CACNA1C: variants seen among roughly 807,000 people sequenced by gnomAD.
The protein encoded by CACNA1C is voltage-dependent L-type calcium channel subunit alpha-1C.
Under a neutral mutation model 229.0 loss-of-function variants are expected in CACNA1C, and 30 were observed. The ratio of observed to expected loss-of-function variants is 0.13; its 90% CI spans 0.10 to 0.18. CACNA1C has a LOEUF of 0.18. CACNA1C is among the 10% of genes least tolerant of loss of function. The probability of loss-of-function intolerance (pLI) is 1.00; values close to 1 mark genes in which losing one functional copy is unlikely to be tolerated. For missense variants in CACNA1C, 1,658 were observed against 2,845.0 expected, an observed-to-expected ratio of 0.58 and a Z score of 9.49; for synonymous variants, 1,114 against 1,132.5, an observed-to-expected ratio of 0.98 and a Z score of 0.33.
intron 7 of CACNA1C, among the ~76,000 whole-genome samples, chr12:2,496,546 C>T (rs2099747169): frequency 2.6e-5 from 4 of 152,244 alleles, no homozygotes. Flanking sequence ...GATGGCAGCA[C>T]TTGCTTCCAG....
At chr12:2,186,710 T>C (rs745596407) in intron 3 of CACNA1C, among the ~76,000 whole-genome samples, 5 of 152,204 alleles carry the variant, frequency 3.3e-5, no homozygotes, top group Admixed American at 6.5e-5. Flanking sequence ...GATTACTATA[T>C]GCCAGGTACT....
chr12:2,011,461 C>G (rs998534400), intron 1 of CACNA1C: 1 of 152,116 alleles, frequency 6.6e-6, no homozygotes, highest in Non-Finnish European at 1.5e-5. Flanking sequence ...AGGGATGACC[C>G]GAATGATTAT....
intron 1 of CACNA1C, among the ~76,000 whole-genome samples, chr12:2,111,150 C>A (rs970263673): frequency 1.3e-5 from 2 of 152,254 alleles, no homozygotes; most frequent in Non-Finnish European, 2.9e-5. Flanking sequence ...GGTTGACATT[C>A]CATTTTTCCC....
At chr12:2,129,056 C>T (rs1215105766) in intron 3 of CACNA1C, among the ~76,000 whole-genome samples, 1 of 152,224 alleles carries the variant, frequency 6.6e-6, no homozygotes, top group Non-Finnish European at 1.5e-5. Context: ...CCAGACAGCA[C>T]ATCACCTTTC....
intron 3 of CACNA1C, among the ~76,000 whole-genome samples, chr12:2,135,877 C>G (rs368483644): frequency 1.1e-4 from 15 of 141,996 alleles, no homozygotes; most frequent in Admixed American, 3.4e-4. Flanking sequence ...TAATCAAGCC[C>G]GGGCAATGGC....
chr12:2,591,746 A>T (rs984210839), intron 18 of CACNA1C, among the ~76,000 whole-genome samples: 4 of 152,306 alleles, frequency 2.6e-5, no homozygotes, highest in South Asian at 2.1e-4. Context: ...AACAGCAGAA[A>T]TGCATCCTTT....
At chr12:2,530,715 C>T (rs2099838946) in intron 9 of CACNA1C, among the ~76,000 whole-genome samples, 1 of 152,134 alleles carries the variant, frequency 6.6e-6, no homozygotes, top group Non-Finnish European at 1.5e-5. Flanking sequence ...CAGTTTTTTT[C>T]GTGATGAATC....
At chr12:1,990,299 C>T (rs967564734) in intron 1 of CACNA1C, among the ~76,000 whole-genome samples, 1 of 152,160 alleles carries the variant, frequency 6.6e-6, no homozygotes, top group Non-Finnish European at 1.5e-5. Context: ...GAAATGTTTG[C>T]CCTAACTTTA....
At chr12:2,642,462 G>T (rs559930341) in intron 30 of CACNA1C, among the ~76,000 whole-genome samples, 1 of 152,290 alleles carries the variant, frequency 6.6e-6, no homozygotes, top group East Asian at 1.9e-4. Context: ...TTTCCAGAAA[G>T]CTCGTAAAGC....
intron 1 of CACNA1C, among the ~76,000 whole-genome samples, chr12:2,077,685 C>T (rs1244802606): frequency 6.6e-6 from 1 of 152,074 alleles, no homozygotes; most frequent in Non-Finnish European, 1.5e-5. Context: ...GGCCTCAGGC[C>T]TATAAAAATT....
At chr12:2,017,462 A>G (rs1417284169) in intron 1 of CACNA1C, among the ~76,000 whole-genome samples, 1 of 152,210 alleles carries the variant, frequency 6.6e-6, no homozygotes, top group African/African-American at 2.4e-5. Context: ...TTAAAAAATA[A>G]AAGAACTCAG....
At chr12:2,232,613 A>G (rs1449645259) in intron 3 of CACNA1C, among the ~76,000 whole-genome samples, 1 of 152,078 alleles carries the variant, frequency 6.6e-6, no homozygotes, top group Non-Finnish European at 1.5e-5. Flanking sequence ...GCTTTTTGTC[A>G]AGCTTTTGCC....
intron 3 of CACNA1C, among the ~76,000 whole-genome samples, chr12:2,413,940 T>C (rs1266897419): frequency 6.6e-6 from 1 of 152,200 alleles, no homozygotes; most frequent in African/African-American, 2.4e-5. Context: ...CCTTAAAAGC[T>C]GAGACCATCT....
At chr12:2,204,571 A>T (rs1452399985) in intron 3 of CACNA1C, among the ~76,000 whole-genome samples, 1 of 151,538 alleles carries the variant, frequency 6.6e-6, no homozygotes, top group Non-Finnish European at 1.5e-5. Flanking sequence ...AGACTGGATT[A>T]AGAAAATGTG....
intron 1 of CACNA1C, among the ~76,000 whole-genome samples, chr12:1,988,387 C>T (rs536123302): frequency 6.6e-6 from 1 of 152,288 alleles, no homozygotes; most frequent in East Asian, 1.9e-4. Flanking sequence ...CTTTCAGCCA[C>T]ATTTCACTGG....
intron 3 of CACNA1C, among the ~76,000 whole-genome samples, chr12:2,406,396 G>C (rs933581703): frequency 1.3e-5 from 2 of 152,106 alleles, no homozygotes; most frequent in African/African-American, 4.8e-5. Flanking sequence ...ATGGATGTTA[G>C]AGCATTTGTT....
intron 3 of CACNA1C, among the ~76,000 whole-genome samples, chr12:2,148,517 ATGTATTATG>A (rs2094932440): frequency 6.6e-6 from 1 of 151,112 alleles, no homozygotes; most frequent in South Asian, 2.1e-4. Context: ...CATCTACAGC[ATGTATTATG>A]TGCCAGGAAC....
At chr12:2,098,264 G>A (rs2075080476) in intron 1 of CACNA1C, among the ~76,000 whole-genome samples, 1 of 152,144 alleles carries the variant, frequency 6.6e-6, no homozygotes. Flanking sequence ...CTGTCTGGTG[G>A]GGTTTTGTAG....
intron 3 of CACNA1C, among the ~76,000 whole-genome samples, chr12:2,289,626 T>A (rs1247834868): frequency 4.6e-5 from 7 of 152,094 alleles, no homozygotes; most frequent in Non-Finnish European, 4.4e-5. Flanking sequence ...GTGGGTGAGA[T>A]AAAGGCACGA....
Sources: allele counts gnomAD v4.1 joint callset (sites outside exome capture counted in the v4.1 genomes callset), GRCh38; gene constraint gnomAD v4.1.1; transcripts MANE v1.5; gene names NCBI Gene and HGNC (gene_info 2026-07-23, HGNC 2026-07-21).